The following SPRED1 variants were observed in gnomAD, a reference collection of about 807,000 sequenced individuals.
SPRED1 encodes sprouty-related, EVH1 domain-containing protein 1.
SPRED1 carries 18 observed loss-of-function variants against 52.3 expected under a neutral mutation model. The ratio of observed to expected loss-of-function variants is 0.34; its 90% CI spans 0.24 to 0.51. The LOEUF is 0.51. Among genes scored for constraint, SPRED1 ranks in the 20% least tolerant of loss-of-function variants. The pLI is 0.97. For synonymous variants in SPRED1, 155 were observed against 179.7 expected, an observed-to-expected ratio of 0.86 and a Z score of 1.10; for missense variants, 485 against 551.0, an observed-to-expected ratio of 0.88 and a Z score of 1.20.
At chr15:38,282,494 G>A (rs1006546185) in intron 1 of SPRED1, among the ~76,000 whole-genome samples, 1 of 150,260 alleles carries the variant, frequency 6.7e-6, no homozygotes, top group African/African-American at 2.5e-5. Context: ...GCAACAGAGC[G>A]AGACCCCGTC....
rs764132430 is a variant in SPRED1, at chr15:38,298,544, A to G, written c.33-829A>G. On this transcript the variant is annotated intron_variant, in intron 1 of 6. Transcript: ENST00000299084. ...ATTAACTTCTGGTACACAAAACAACATGAGAGAAAGAAGTCAGACAAAAAG... is the reference window on the plus strand; with the variant it reads ...ATTAACTTCTGGTACACAAAACAACGTGAGAGAAAGAAGTCAGACAAAAAG... The G allele has an allele frequency of 6.5e-5, 20 of 309,292 alleles. 2 individuals are homozygous for G. The highest frequency in any genetic ancestry group is 3.3e-4 in the South Asian group (13 of 39,122). The allele number at this position is 309,292 out of a possible 1,614,324, so 19.2% of individuals were successfully genotyped here. A position where few individuals can be genotyped will look rare whatever the true frequency, so the allele number is the denominator to read the frequency against.
intron 4 of SPRED1, among the ~76,000 whole-genome samples, chr15:38,325,686 G>GTAGA (rs1366767494): frequency 2.0e-5 from 3 of 152,128 alleles, no homozygotes; most frequent in African/African-American, 7.2e-5. Flanking sequence ...GCAACACTGT[G>GTAGA]TAGATATTCA....
chr15:38,283,457 G>A, intron 1 of SPRED1: 5 of 950,940 alleles, frequency 5.3e-6, no homozygotes, highest in Non-Finnish European at 6.3e-6. Context: ...TGTTTATTTT[G>A]TGAAATATAT....
chr15:38,261,112 T>G (rs1894196051), intron 1 of SPRED1, among the ~76,000 whole-genome samples: 1 of 152,186 alleles, frequency 6.6e-6, no homozygotes, highest in Non-Finnish European at 1.5e-5. Context: ...ATTTGAAGAT[T>G]AATGGAGAGA....
intron 1 of SPRED1, among the ~76,000 whole-genome samples, chr15:38,283,338 A>ACATGTG: frequency 6.6e-6 from 1 of 152,290 alleles, no homozygotes; most frequent in East Asian, 1.9e-4. Context: ...TCCTCCCTTG[A>ACATGTG]CATGTGGGGA....
At chr15:38,267,250 A>G (rs1159496237) in intron 1 of SPRED1, among the ~76,000 whole-genome samples, 1 of 152,198 alleles carries the variant, frequency 6.6e-6, no homozygotes, top group Non-Finnish European at 1.5e-5. Flanking sequence ...TAGTACTGTA[A>G]TATTTCACAT....
At chr15:38,261,216 G>A (rs1223215877) in intron 1 of SPRED1, among the ~76,000 whole-genome samples, 1 of 152,156 alleles carries the variant, frequency 6.6e-6, no homozygotes, top group African/African-American at 2.4e-5. Flanking sequence ...TTATTTTTCT[G>A]CTCTCTAGAA....
At chr15:38,260,726 T>C (rs927224319) in intron 1 of SPRED1, among the ~76,000 whole-genome samples, 5 of 152,246 alleles carry the variant, frequency 3.3e-5, no homozygotes, top group African/African-American at 1.2e-4. Flanking sequence ...CTGTGTATGT[T>C]GTTTTAGGCC....
intron 1 of SPRED1, among the ~76,000 whole-genome samples, chr15:38,255,142 A>G (rs1894067523): frequency 6.6e-6 from 1 of 152,222 alleles, no homozygotes; most frequent in African/African-American, 2.4e-5. Context: ...AATTGAGACA[A>G]CAGGTTTTTT....
At chr15:38,279,630 A>G (rs1001601114) in intron 1 of SPRED1, among the ~76,000 whole-genome samples, 6 of 152,186 alleles carry the variant, frequency 3.9e-5, no homozygotes, top group South Asian at 2.1e-4. Context: ...GGACTTCTGT[A>G]AGCCATAGTT....
In SPRED1 at chr15:38,324,781, A is replaced by C; in HGVS notation, c.395A>C (p.Asn132Thr). ...TTCTTAGGATGCCCCGAATCAAAAA[A>C]TGAAGCTGAAGGGGCAGATGACTTA... ...DISQGCPESKNEAEGADDLQA... is the reference protein window; with the variant it reads ...DISQGCPESKTEAEGADDLQA... Residue 132 changes from asparagine to threonine, a missense_variant, in exon 4 of 7, where the codon AAT (asparagine) becomes ACT (threonine). Physicochemically the swap from Asn to Thr is moderately conservative, Grantham distance 65. Around this residue, in one of 5 missense-constraint regions of SPRED1, gnomAD observed 232 missense variants for 231.8 expected, o/e 1.00. Transcript: ENST00000299084. 6.2e-7 allele frequency: 1 copy of C among 1,611,352 alleles called. No homozygotes were observed. Among genetic ancestry groups the C allele is most frequent in the Non-Finnish European group, 8.5e-7 (1 of 1,178,786 alleles).
At chr15:38,316,278 T>C (rs947851736) in intron 2 of SPRED1, among the ~76,000 whole-genome samples, 57 of 152,030 alleles carry the variant, frequency 3.7e-4, no homozygotes, top group African/African-American at 1.4e-3. Flanking sequence ...TTTCTTGAAG[T>C]CCAGAGTTCA....
chr15:38,310,792 C>G (rs1895351064), intron 2 of SPRED1, among the ~76,000 whole-genome samples: 1 of 152,018 alleles, frequency 6.6e-6, no homozygotes, highest in African/African-American at 2.4e-5. Context: ...TATAGACATG[C>G]TATTAATTTT....
At chr15:38,315,184 G>A (rs970132251) in intron 2 of SPRED1, among the ~76,000 whole-genome samples, 8 of 151,768 alleles carry the variant, frequency 5.3e-5, no homozygotes, top group African/African-American at 1.9e-4. Flanking sequence ...ATCTGAATTT[G>A]GAATTATTAT....
intron 4 of SPRED1, among the ~76,000 whole-genome samples, chr15:38,328,718 T>G (rs1031850021): frequency 2.0e-5 from 3 of 152,136 alleles, no homozygotes; most frequent in African/African-American, 4.8e-5. Flanking sequence ...TGAGAGCTTT[T>G]GGTTTTTTTG....
chr15:38,315,703 G>A (rs375421880), intron 2 of SPRED1, among the ~76,000 whole-genome samples: 55 of 151,926 alleles, frequency 3.6e-4, no homozygotes, highest in Middle Eastern at 3.4e-3. Flanking sequence ...ACTCACATAA[G>A]TTCTTTGAAG....
chr15:38,282,581 AC>A (rs1894714466), intron 1 of SPRED1, among the ~76,000 whole-genome samples: 1 of 151,988 alleles, frequency 6.6e-6, no homozygotes, highest in Admixed American at 6.6e-5. Flanking sequence ...GATTTACTCC[AC>A]CTTTGTCTGA....
chr15:38,256,968 GT>G (rs1894111295), intron 1 of SPRED1, among the ~76,000 whole-genome samples: 1 of 152,124 alleles, frequency 6.6e-6, no homozygotes, highest in Non-Finnish European at 1.5e-5. Flanking sequence ...GTTGGCCTGT[GT>G]AAAAATCAGC....
At chr15:38,318,285 AT>A (rs1199536212) in intron 2 of SPRED1, among the ~76,000 whole-genome samples, 4 of 152,118 alleles carry the variant, frequency 2.6e-5, no homozygotes, top group Non-Finnish European at 5.9e-5. Context: ...CTAGTTTATA[AT>A]TAGTATGTTT....
Sources: allele counts gnomAD v4.1 joint callset (sites outside exome capture counted in the v4.1 genomes callset), GRCh38; gene constraint gnomAD v4.1.1; regional missense constraint gnomAD v4.1.1; transcripts MANE v1.5; gene names NCBI Gene and HGNC (gene_info 2026-07-23, HGNC 2026-07-21).